Variants in MDGA2 observed in about 807,000 individuals in gnomAD.
The protein encoded by MDGA2 is MAM domain containing glycosylphosphatidylinositol anchor 2.
MDGA2 carries 40 observed loss-of-function variants against 117.8 expected under a neutral mutation model. The ratio of observed to expected loss-of-function variants is 0.34; its 90% CI spans 0.26 to 0.44. MDGA2 has a LOEUF of 0.44. Among genes scored for constraint, MDGA2 ranks in the 20% least tolerant of loss-of-function variants. The probability of loss-of-function intolerance (pLI) is 1.00; values close to 1 mark genes in which losing one functional copy is unlikely to be tolerated. For missense variants in MDGA2, 1,123 were observed against 1,250.6 expected (o/e 0.90, Z 1.54); for synonymous variants, 452 against 439.0 (o/e 1.03, Z -0.37).
At chr14:46,943,841 T>C (rs1885079559) in intron 9 of MDGA2, among the ~76,000 whole-genome samples, 2 of 152,102 alleles carry the variant, frequency 1.3e-5, no homozygotes, top group Admixed American at 1.3e-4. Context: ...CATATGGTCA[T>C]TGTTGCAACT....
At chr14:47,298,641 C>G (rs929955121) in intron 2 of MDGA2, among the ~76,000 whole-genome samples, 2 of 150,948 alleles carry the variant, frequency 1.3e-5, no homozygotes, top group Non-Finnish European at 2.9e-5. Context: ...GTCAGCTTTC[C>G]TTATACAGTT....
At chr14:46,905,655 A>G (rs949170057) in intron 10 of MDGA2, among the ~76,000 whole-genome samples, 1 of 152,164 alleles carries the variant, frequency 6.6e-6, no homozygotes, top group Non-Finnish European at 1.5e-5. Context: ...ATATTGCTAG[A>G]TGCTTTGAGC....
chr14:46,960,918 A>T (rs1885778757), intron 8 of MDGA2, among the ~76,000 whole-genome samples: 1 of 144,288 alleles, frequency 6.9e-6, no homozygotes, highest in Non-Finnish European at 1.5e-5. Flanking sequence ...AATGTTTTAT[A>T]TATACATATA....
At chr14:47,431,948 C>T (rs1892808192) in intron 1 of MDGA2, among the ~76,000 whole-genome samples, 1 of 151,992 alleles carries the variant, frequency 6.6e-6, no homozygotes, top group Non-Finnish European at 1.5e-5. Flanking sequence ...TATGAACAAC[C>T]TGAAGCATTA....
intron 5 of MDGA2, among the ~76,000 whole-genome samples, chr14:47,130,442 T>C (rs1445175568): frequency 2.0e-5 from 3 of 152,116 alleles, no homozygotes; most frequent in Non-Finnish European, 4.4e-5. Context: ...TGCTGAACCA[T>C]AGGAGGGTCC....
intron 2 of MDGA2, among the ~76,000 whole-genome samples, chr14:47,294,465 A>T: frequency 6.6e-6 from 1 of 152,196 alleles, no homozygotes; most frequent in Middle Eastern, 3.4e-3. Context: ...TCTTATCCAA[A>T]GATTATTTGA....
At chr14:47,537,141 T>C (rs1895229087) in intron 1 of MDGA2, among the ~76,000 whole-genome samples, 1 of 151,872 alleles carries the variant, frequency 6.6e-6, no homozygotes, top group African/African-American at 2.4e-5. Context: ...GAAATGGAAG[T>C]TCCTTCAAAC....
At chr14:46,988,819 A>T (rs1250312608) in intron 8 of MDGA2, among the ~76,000 whole-genome samples, 4 of 152,036 alleles carry the variant, frequency 2.6e-5, no homozygotes, top group African/African-American at 9.7e-5. Flanking sequence ...TTCTTTGAGA[A>T]GAGTAATTTT....
chr14:47,015,261 T>A lies in MDGA2; in HGVS notation c.1819+19750A>T, dbSNP rs190039294. On this transcript the variant is annotated intron_variant, in intron 8 of 16. Coordinates refer to ENST00000399232, the MANE Select transcript of MDGA2 (RefSeq NM_001113498.3). ...ACAGATATAATAATAATAAAAAAGT[T>A]TGAAATATTGCAAGAATTACCAAAA... is the stretch of plus-strand genomic sequence containing the variant. 2.0e-5 allele frequency among the ~76,000 whole-genome samples: 3 copies of A among 151,846 alleles called. No individual in the cohort carries two copies. The South Asian group carries it at 6.2e-4, about 32-fold the overall frequency.
At chr14:47,036,293 A>AAC (rs1888852007) in intron 7 of MDGA2, among the ~76,000 whole-genome samples, 1 of 147,358 alleles carries the variant, frequency 6.8e-6, no homozygotes, top group Non-Finnish European at 1.5e-5. Flanking sequence ...AAAAAAAAAA[A>AAC]GAATTATAAT....
intron 1 of MDGA2, among the ~76,000 whole-genome samples, chr14:47,502,410 C>G (rs2092791): frequency 0.32 from 47,843 of 151,862 alleles, 8,429 homozygotes; most frequent in East Asian, 0.59. Context: ...GGCTCCCTCA[C>G]AGAACTAAAT....
At chr14:47,395,942 T>C (rs755157858) in intron 1 of MDGA2, among the ~76,000 whole-genome samples, 12 of 152,162 alleles carry the variant, frequency 7.9e-5, no homozygotes, top group Non-Finnish European at 1.5e-4. Context: ...ATATTTACTT[T>C]CGTGTGTAGC....
At chr14:47,421,834 T>C (rs996840068) in intron 1 of MDGA2, among the ~76,000 whole-genome samples, 4 of 152,160 alleles carry the variant, frequency 2.6e-5, no homozygotes, top group Non-Finnish European at 5.9e-5. Flanking sequence ...TTTTAAAAAA[T>C]ACAAGAATGC....
chr14:46,890,820 G>T (rs145044117), intron 10 of MDGA2, among the ~76,000 whole-genome samples: 2 of 152,014 alleles, frequency 1.3e-5, no homozygotes, highest in Non-Finnish European at 1.5e-5. Flanking sequence ...CTTGCCCTGC[G>T]ATCACAGAAA....
chr14:47,178,959 T>A lies in MDGA2; in HGVS notation c.596-34685A>T, dbSNP rs1161116017. Among the ~76,000 whole-genome samples, 11 of 152,074 alleles carry A rather than the reference T, an allele frequency of 7.2e-5. No homozygotes were observed. The East Asian group carries it at 2.1e-3, about 29-fold the overall frequency. On this transcript the variant is annotated intron_variant, in intron 3 of 16. Transcript: ENST00000399232. ...GTATATTCAGGAAACTGCAAAGAGCTATCCATTAGAGAGACATATGGGAGT... is the reference window on the plus strand; with the variant it reads ...GTATATTCAGGAAACTGCAAAGAGCAATCCATTAGAGAGACATATGGGAGT...
chr14:47,477,767 G>A (rs1332949970), intron 1 of MDGA2, among the ~76,000 whole-genome samples: 1 of 152,140 alleles, frequency 6.6e-6, no homozygotes, highest in African/African-American at 2.4e-5. Flanking sequence ...ATAAATATGT[G>A]AGAAGGATAT....
At chr14:47,108,883 T>C (rs1880886192) in intron 5 of MDGA2, among the ~76,000 whole-genome samples, 2 of 152,224 alleles carry the variant, frequency 1.3e-5, no homozygotes, top group East Asian at 1.9e-4. Flanking sequence ...GTATAAGCTA[T>C]ACCAATAGTT....
In MDGA2 at chr14:46,840,471, T is replaced by C. The variant is rs368294210; in HGVS notation, c.*1460A>G. The C allele has an allele frequency of 1.6e-4, 24 of 152,590 alleles. No homozygotes were observed. The highest frequency in any genetic ancestry group is 2.5e-4 in the Non-Finnish European group (17 of 68,020). 9.5% of individuals were successfully genotyped at this position (152,590 alleles called of 1,614,324 possible). A position where few individuals can be genotyped will look rare whatever the true frequency, so the allele number is the denominator to read the frequency against. ...TTGGAAAACTGGCTGGTTAAAGATA[T>C]GATTTGTCGTCAGGTAGCTCAAAAT... On this transcript the variant is annotated 3_prime_UTR_variant, in exon 17 of 17. Transcript: ENST00000399232.
chr14:47,592,168 G>C (rs1896453512), intron 1 of MDGA2, among the ~76,000 whole-genome samples: 1 of 151,920 alleles, frequency 6.6e-6, no homozygotes. Flanking sequence ...AAAATACCTA[G>C]GAATACAACA....
Sources: allele counts gnomAD v4.1 joint callset (sites outside exome capture counted in the v4.1 genomes callset), GRCh38; gene constraint gnomAD v4.1.1; transcripts MANE v1.5; gene names NCBI Gene and HGNC (gene_info 2026-07-23, HGNC 2026-07-21).